The following KMT2C variants were observed in gnomAD, a reference collection of about 807,000 sequenced individuals.
KMT2C encodes histone-lysine N-methyltransferase 2C.
KMT2C carries 88 observed loss-of-function variants against 507.9 expected under a neutral mutation model. The observed-to-expected ratio is 0.17, with a 90% CI of 0.15 to 0.21. KMT2C has a LOEUF of 0.21. Among genes scored for constraint, KMT2C ranks in the 10% least tolerant of loss-of-function variants. The pLI is 1.00. For synonymous variants in KMT2C, 2,049 were observed against 2,080.8 expected, an observed-to-expected ratio of 0.98 and a Z score of 0.42; for missense variants, 4,954 against 5,957.8, an observed-to-expected ratio of 0.83 and a Z score of 5.55.
chr7:152,232,545 G>A (rs1349977573), intron 16 of KMT2C, among the ~76,000 whole-genome samples: 1 of 152,010 alleles, frequency 6.6e-6, no homozygotes, highest in African/African-American at 2.4e-5. Flanking sequence ...AATAATATTG[G>A]CAATTTCATA....
At chr7:152,290,220 A>AAG (rs2096387889) in intron 6 of KMT2C, among the ~76,000 whole-genome samples, 2 of 86,294 alleles carry the variant, frequency 2.3e-5, no homozygotes, top group South Asian at 1.0e-3. Flanking sequence ...TTATATATAT[A>AAG]TGTGTGTGTG....
chr7:152,292,964 A>G (rs2096451823), intron 6 of KMT2C, among the ~76,000 whole-genome samples: 1 of 152,266 alleles, frequency 6.6e-6, no homozygotes, highest in South Asian at 2.1e-4. Flanking sequence ...TTGAAACAAC[A>G]TTTTATACAG....
At chr7:152,427,609 A>T (rs531575964) in intron 1 of KMT2C, among the ~76,000 whole-genome samples, 1 of 152,296 alleles carries the variant, frequency 6.6e-6, no homozygotes, top group East Asian at 1.9e-4. Context: ...AGCATCTTGT[A>T]TGTATATGTT....
chr7:152,358,684 A>AG lies in KMT2C; in HGVS notation c.162-10_162-9insC. 6.5e-7 allele frequency: 1 copy of AG among 1,542,392 alleles called. No homozygotes were observed. The highest frequency in any genetic ancestry group is 2.3e-5 in the East Asian group (1 of 44,404). On this transcript the variant is annotated splice_polypyrimidine_tract_variant and intron_variant, in intron 1 of 58. Transcript: ENST00000262189. ...TCCCCCTACTTCGAGGTCTACAGAA[A>AG]AAAAAAAAAATAATAAGTACATAGA...
chr7:152,221,988 T>G lies in KMT2C; in HGVS notation c.3499+13A>C. ...TAAATTAATTAAATCAAGTAAAGCA[T>G]TTCAAATTTTACCTAGCTCTTTTAC... On this transcript the variant is annotated intron_variant, in intron 22 of 58. Coordinates refer to ENST00000262189, the MANE Select transcript of KMT2C (RefSeq NM_170606.3). 1 of 1,587,116 alleles carries G rather than the reference T, an allele frequency of 6.3e-7. No individual in the cohort carries two copies. The highest frequency in any genetic ancestry group is 1.3e-5 in the African/African-American group (1 of 74,166).
In KMT2C at chr7:152,146,608, T is replaced by C; in HGVS notation, c.14022A>G (p.Ile4674Met). 6.2e-7 allele frequency: 1 copy of C among 1,614,146 alleles called. No individual in the cohort carries two copies. The stretch of plus-strand genomic sequence containing the variant: ...TGACCAAGACACTCACTGATTCCGC[T>C]ATGCGTGCCACTGCAGAGACGGTCA... ...FGLTVSAVAR[I>M]AESLPGVEAC... is the part of the protein sequence containing the mutation. The change falls in exon 53 of 59, where the codon ATA becomes ATG. Residue 4674 changes from isoleucine (I) to methionine (M), a missense_variant. Physicochemically the swap from Ile to Met is conservative, Grantham distance 10. This residue lies in a region of KMT2C where 221 missense variants were observed against 304.7 expected (regional missense o/e 0.73). Coordinates refer to ENST00000262189, the MANE Select transcript of KMT2C (RefSeq NM_170606.3).
At chr7:152,237,498 TTTTG>T (rs778585204) in intron 15 of KMT2C, among the ~76,000 whole-genome samples, 47 of 152,158 alleles carry the variant, frequency 3.1e-4, no homozygotes, top group African/African-American at 1.0e-3. Flanking sequence ...TGGGGGTTTT[TTTTG>T]TTTGTTTATT....
chr7:152,263,145 A>G lies in KMT2C; in HGVS notation c.1185-15T>C. 1 of 1,593,316 alleles carries G rather than the reference A, an allele frequency of 6.3e-7. No homozygotes were observed. The highest frequency in any genetic ancestry group is 1.1e-5 in the South Asian group (1 of 88,984). ...CTCCCGATTGTCTAAAAAATAAGAT[A>G]GCATTAATGATGCCTTATCTTTAAA... On this transcript the variant is annotated splice_polypyrimidine_tract_variant and intron_variant, in intron 8 of 58. Coordinates refer to ENST00000262189, the MANE Select transcript of KMT2C (RefSeq NM_170606.3).
chr7:152,422,041 A>G (rs2097780261), intron 1 of KMT2C, among the ~76,000 whole-genome samples: 1 of 152,130 alleles, frequency 6.6e-6, no homozygotes, highest in African/African-American at 2.4e-5. Context: ...AGTTGAAGTA[A>G]CCACATTTTT....
chr7:152,145,627 C>T (rs1231836619), intron 53 of KMT2C, among the ~76,000 whole-genome samples: 1 of 152,232 alleles, frequency 6.6e-6, no homozygotes, highest in African/African-American at 2.4e-5. Flanking sequence ...CCCACAAACA[C>T]AGGGCATGTA....
At chr7:152,197,083 G>A (rs2093984759) in intron 27 of KMT2C, among the ~76,000 whole-genome samples, 1 of 152,144 alleles carries the variant, frequency 6.6e-6, no homozygotes, top group African/African-American at 2.4e-5. Context: ...AGCAGATGAG[G>A]GGTGGGAATT....
chr7:152,149,000 G>C lies in KMT2C; in HGVS notation c.12927C>G (p.Phe4309Leu). ...ASPPASPPIAFPPAFEAAQVE... is the reference protein window; with the variant it reads ...ASPPASPPIALPPAFEAAQVE... Reference sequence around the variant, plus strand: ...CTTGGGCTGCTTCAAAAGCAGGAGGGAAGGCGATGGGTGGTGAGGCAGGGG... The same window carrying C: ...CTTGGGCTGCTTCAAAAGCAGGAGGCAAGGCGATGGGTGGTGAGGCAGGGG... Residue 4309 changes from phenylalanine (F) to leucine (L), a missense_variant, in exon 52 of 59, where the codon TTC becomes TTG. Coordinates refer to ENST00000262189, the MANE Select transcript of KMT2C (RefSeq NM_170606.3). The surrounding 1 kb of genome is among the most constrained non-coding windows in gnomAD (Gnocchi z 7.1). 6.4e-7 allele frequency: 1 copy of C among 1,566,906 alleles called. No individual in the cohort carries two copies. Among genetic ancestry groups the C allele is most frequent in the East Asian group, 2.2e-5 (1 of 44,618 alleles).
intron 23 of KMT2C, among the ~76,000 whole-genome samples, chr7:152,212,569 CA>C (rs1214701318): frequency 6.6e-6 from 1 of 151,508 alleles, no homozygotes; most frequent in Non-Finnish European, 1.5e-5. Context: ...TAGCAGGATA[CA>C]AAATCAATAT....
chr7:152,336,290 A>G (rs1211336321), intron 2 of KMT2C, among the ~76,000 whole-genome samples: 1 of 152,190 alleles, frequency 6.6e-6, no homozygotes, highest in Non-Finnish European at 1.5e-5. Context: ...TTCATTTGGT[A>G]GACTATGTTA....
chr7:152,139,447 G>A (rs1275672556), intron 56 of KMT2C, among the ~76,000 whole-genome samples, 188 bp from the exon 57 acceptor site: 1 of 152,206 alleles, frequency 6.6e-6, no homozygotes, highest in Non-Finnish European at 1.5e-5. Flanking sequence ...TCAGTAGGTT[G>A]TGTGTGAAGC....
chr7:152,259,427 AACAC>A (rs2095717944), intron 9 of KMT2C, among the ~76,000 whole-genome samples: 1 of 141,276 alleles, frequency 7.1e-6, no homozygotes, highest in South Asian at 2.2e-4. Context: ...TAGAGACAAA[AACAC>A]AGACACACAC....
At chr7:152,252,333 T>C (rs998629525) in intron 10 of KMT2C, among the ~76,000 whole-genome samples, 8 of 152,234 alleles carry the variant, frequency 5.3e-5, no homozygotes, top group Admixed American at 2.0e-4. Flanking sequence ...CTATTAGTGC[T>C]CATTTCTGAT....
intron 39 of KMT2C, among the ~76,000 whole-genome samples, chr7:152,173,250 C>T (rs1208381576): frequency 6.6e-6 from 1 of 152,082 alleles, no homozygotes; most frequent in Non-Finnish European, 1.5e-5. Context: ...TAAATTCGTG[C>T]AAATTTTATA....
chr7:152,356,833 G>C (rs751273898), intron 2 of KMT2C, among the ~76,000 whole-genome samples: 2 of 151,248 alleles, frequency 1.3e-5, no homozygotes, highest in Admixed American at 1.3e-4. Context: ...AGAGATTGCA[G>C]TGAGCTGAGA....
Sources: gnomAD v4.1 joint callset for allele counts (sites outside exome capture counted in the v4.1 genomes callset) on GRCh38, gnomAD v4.1.1 for gene constraint, gnomAD v4.1.1 regional missense constraint, Gnocchi (gnomAD v3.1) non-coding constraint, MANE v1.5 for transcripts, NCBI Gene and HGNC (gene_info 2026-07-23, HGNC 2026-07-21) for gene names.